The following SNW1 variants were observed in gnomAD, a reference collection of about 807,000 sequenced individuals.
The protein encoded by SNW1 is SNW domain containing 1, also known as SNW domain-containing protein 1.
SNW1 carries 9 observed loss-of-function variants against 75.6 expected under a neutral mutation model. The observed-to-expected ratio is 0.12, with a 90% confidence interval of 0.07 to 0.21. The LOEUF is 0.21. SNW1 is among the 10% of genes least tolerant of loss of function. SNW1 has a pLI of 1.00. For synonymous variants in SNW1, 200 were observed against 219.1 expected, an observed-to-expected ratio of 0.91 and a Z score of 0.77; for missense variants, 409 against 670.9, an observed-to-expected ratio of 0.61 and a Z score of 4.31.
chr14:77,749,658 T>C (rs891942437), intron 3 of SNW1, among the ~76,000 whole-genome samples: 3 of 152,104 alleles, frequency 2.0e-5, no homozygotes, highest in Non-Finnish European at 4.4e-5. Context: ...TCCCAGCTAC[T>C]CGGGGGGCTG....
intron 12 of SNW1, chr14:77,720,476 A>C (rs1309366874): frequency 1.0e-5 from 7 of 703,020 alleles, no homozygotes; most frequent in African/African-American, 7.0e-5. Flanking sequence ...ACATACCACA[A>C]CACCAAGTTT....
chr14:77,719,575 A>G (rs888953324), intron 12 of SNW1, among the ~76,000 whole-genome samples: 26 of 152,142 alleles, frequency 1.7e-4, no homozygotes, highest in African/African-American at 6.0e-4. Flanking sequence ...TGGGAGGTGG[A>G]GGTTGCAGTG....
intron 13 of SNW1, 22 bp from the exon 14 acceptor site, chr14:77,718,308 T>A: frequency 6.2e-7 from 1 of 1,614,056 alleles, no homozygotes; most frequent in Non-Finnish European, 8.5e-7. Context: ...GAGAAAAAAC[T>A]ATGAACTACT....
chr14:77,723,090 G>A (rs908332428), intron 11 of SNW1, 91 bp downstream of exon 11: 12 of 920,222 alleles, frequency 1.3e-5, no homozygotes, highest in Middle Eastern at 2.8e-4. Flanking sequence ...CTCGTGATCC[G>A]CCCGCATTGG....
intron 10 of SNW1, among the ~76,000 whole-genome samples, chr14:77,724,433 C>T (rs895640851): frequency 2.2e-4 from 34 of 152,192 alleles, no homozygotes; most frequent in African/African-American, 8.2e-4. Context: ...CTATTCACCC[C>T]ACTGTACTAG....
chr14:77,760,635 C>T (rs1342601769), intron 1 of SNW1: 2 of 702,222 alleles, frequency 2.8e-6, no homozygotes, highest in African/African-American at 3.5e-5. Flanking sequence ...GTGTTCAGCT[C>T]CGGGCCTCTT....
At position 77,738,871 on chromosome 14, in the gene SNW1, G is replaced by A; in HGVS notation, c.440C>T (p.Thr147Ile). 6.2e-7 allele frequency: 1 copy of A among 1,613,976 alleles called. No homozygotes were observed. Among genetic ancestry groups the A allele is most frequent in the Non-Finnish European group, 8.5e-7 (1 of 1,179,860 alleles). Residue 147 changes from threonine to isoleucine, a missense_variant, in exon 5 of 14, where the codon ACA becomes ATA. This residue lies in a region of SNW1 where 70 missense variants were observed against 136.7 expected (regional missense o/e 0.51). Transcript: ENST00000261531. ...TACAGATTTTTCTAAGGCTACTCTT[G>A]TCTTTTCTGTTATCTGAAATAGGAA... ...EEAIKEITEK[T>I]RVALEKSVSQ...
At chr14:77,758,860 C>T (rs997029985) in intron 1 of SNW1, among the ~76,000 whole-genome samples, 3 of 151,920 alleles carry the variant, frequency 2.0e-5, no homozygotes, top group African/African-American at 7.2e-5. Flanking sequence ...GTCTACTGGA[C>T]ACCAGTCAAG....
chr14:77,758,197 G>T (rs887386172), intron 1 of SNW1, among the ~76,000 whole-genome samples: 1 of 151,270 alleles, frequency 6.6e-6, no homozygotes, highest in African/African-American at 2.4e-5. Flanking sequence ...GGGCGTGGTG[G>T]CGGACGCCTG....
intron 3 of SNW1, among the ~76,000 whole-genome samples, chr14:77,747,753 G>C (rs978389915): frequency 6.6e-6 from 1 of 151,084 alleles, no homozygotes; most frequent in African/African-American, 2.4e-5. Flanking sequence ...GAGGGAGGTG[G>C]GGGCCAGCCC....
At chr14:77,725,731 G>A (rs900726107) in intron 10 of SNW1, among the ~76,000 whole-genome samples, 3 of 152,036 alleles carry the variant, frequency 2.0e-5, no homozygotes, top group African/African-American at 4.8e-5. Context: ...CACCCTGGGT[G>A]TAATGGCAAA....
At chr14:77,719,280 G>A (rs866335493) in intron 12 of SNW1, among the ~76,000 whole-genome samples, 7 of 151,920 alleles carry the variant, frequency 4.6e-5, no homozygotes, top group Middle Eastern at 3.2e-3. Flanking sequence ...ATTTACTTAC[G>A]TGAAATTTCA....
chr14:77,759,222 C>T (rs1306107638), intron 1 of SNW1, among the ~76,000 whole-genome samples: 1 of 152,210 alleles, frequency 6.6e-6, no homozygotes, highest in Non-Finnish European at 1.5e-5. Flanking sequence ...ATACCCATGA[C>T]AGGCCAGATG....
intron 1 of SNW1, chr14:77,760,584 T>A (rs1023928465): frequency 8.7e-6 from 6 of 691,438 alleles, no homozygotes; most frequent in Non-Finnish European, 1.6e-5. Flanking sequence ...CAGTGGCGCA[T>A]ATCAGCAGAC....
rs2080887559 is a variant in SNW1 at position 77,761,087 on chromosome 14, T to A, written c.14+27A>T. The stretch of plus-strand genomic sequence containing the variant: ...AGACTGGTACTCCCAGACCCTTCCG[T>A]ATCGAGGACCCCAATCAACAACCCA... On this transcript the variant is annotated intron_variant, in intron 1 of 13. Coordinates refer to ENST00000261531, the MANE Select transcript of SNW1 (RefSeq NM_012245.3). The A allele has an allele frequency of 2.5e-6, 4 of 1,614,096 alleles. No homozygotes were observed. The Admixed American group carries it at 5.0e-5, about 20-fold the overall frequency.
chr14:77,728,184 T>C (rs2080600756), intron 10 of SNW1, among the ~76,000 whole-genome samples: 1 of 152,124 alleles, frequency 6.6e-6, no homozygotes, highest in Non-Finnish European at 1.5e-5. Flanking sequence ...GTGTGGTGGC[T>C]CATGCCTGTA....
chr14:77,732,046 A>G (rs2080631639), intron 9 of SNW1, among the ~76,000 whole-genome samples: 1 of 152,174 alleles, frequency 6.6e-6, no homozygotes, highest in South Asian at 2.1e-4. Context: ...TAATTCCATA[A>G]TATTTAATAC....
chr14:77,740,157 AAG>A (rs201162197), intron 3 of SNW1, among the ~76,000 whole-genome samples: 3 of 114,346 alleles, frequency 2.6e-5, no homozygotes, highest in African/African-American at 3.6e-5. Flanking sequence ...AAAAAAAAAA[AAG>A]AGAGAGATAC....
At chr14:77,757,212 GCAGA>G (rs1037623475) in intron 1 of SNW1, among the ~76,000 whole-genome samples, 24 of 147,724 alleles carry the variant, frequency 1.6e-4, no homozygotes, top group East Asian at 5.9e-4. Flanking sequence ...GCTTAGTCTT[GCAGA>G]CAGAGACCAA....
Sources: gnomAD v4.1 joint callset for allele counts (sites outside exome capture counted in the v4.1 genomes callset) on GRCh38, gnomAD v4.1.1 for gene constraint, gnomAD v4.1.1 regional missense constraint, MANE v1.5 for transcripts, NCBI Gene and HGNC (gene_info 2026-07-23, HGNC 2026-07-21) for gene names.